Variants in ZNF385B observed in about 807,000 individuals in gnomAD.
ZNF385B encodes zinc finger protein 533.
ZNF385B carries 23 observed loss-of-function variants against 39.2 expected under a neutral mutation model. That is an observed-to-expected ratio of 0.59 (90% confidence interval 0.42 to 0.83). The LOEUF is 0.83. ZNF385B is among the 40% of genes least tolerant of loss of function. ZNF385B has a pLI of 0.00. For missense variants in ZNF385B, 552 were observed against 598.9 expected (o/e 0.92, Z 0.82); for synonymous variants, 205 against 222.6 (o/e 0.92, Z 0.70).
intron 1 of ZNF385B, among the ~76,000 whole-genome samples, chr2:179,805,211 C>T (rs1242437228): frequency 2.0e-5 from 3 of 152,306 alleles, no homozygotes; most frequent in African/African-American, 7.2e-5. Context: ...CCAAGGCGTA[C>T]TGGTTAAACA....
intron 1 of ZNF385B, among the ~76,000 whole-genome samples, chr2:179,809,794 G>GA (rs1209015748): frequency 1.3e-5 from 2 of 151,772 alleles, no homozygotes; most frequent in Non-Finnish European, 2.9e-5. Context: ...GAATTATCGA[G>GA]AAAAAAAATT....
chr2:179,650,470 T>C (rs1466846250), intron 3 of ZNF385B, among the ~76,000 whole-genome samples: 1 of 152,178 alleles, frequency 6.6e-6, no homozygotes, highest in African/African-American at 2.4e-5. Flanking sequence ...TTATTCAAGA[T>C]AAGGGATACT....
intron 3 of ZNF385B, among the ~76,000 whole-genome samples, chr2:179,638,415 G>A (rs1461951714): frequency 6.6e-6 from 1 of 152,172 alleles, no homozygotes; most frequent in Non-Finnish European, 1.5e-5. Context: ...TTTGTTCTTG[G>A]TAGCAGTCCC....
intron 3 of ZNF385B, among the ~76,000 whole-genome samples, chr2:179,749,643 A>G (rs966711448): frequency 1.3e-5 from 2 of 152,108 alleles, no homozygotes; most frequent in African/African-American, 4.8e-5. Context: ...GAACTCACTA[A>G]TTACCACTGG....
At chr2:179,853,257 T>C (rs1199000460) in intron 1 of ZNF385B, among the ~76,000 whole-genome samples, 2 of 152,228 alleles carry the variant, frequency 1.3e-5, no homozygotes, top group East Asian at 3.8e-4. Context: ...GAGTCTGCCC[T>C]AGTTATATAG....
At chr2:179,563,994 G>C (rs1045352244) in intron 3 of ZNF385B, among the ~76,000 whole-genome samples, 1 of 152,068 alleles carries the variant, frequency 6.6e-6, no homozygotes, top group African/African-American at 2.4e-5. Context: ...GTGCATCCTT[G>C]AACTCCCAAG....
At chr2:179,727,834 T>C (rs7559882) in intron 3 of ZNF385B, among the ~76,000 whole-genome samples, 20,886 of 152,106 alleles carry the variant, frequency 0.14, 1,988 homozygotes, top group East Asian at 0.52. Context: ...GGAAATCTTA[T>C]TTGTGAGCAG....
rs1353525169 is a variant in ZNF385B at position 179,745,851 on chromosome 2, CTG to C, written c.298+23650_298+23651del. On this transcript the variant is annotated intron_variant, in intron 3 of 9. Transcript: ENST00000410066. ...GAGACTTGGCTCCAGCCCTGATTAT[CTG>C]TGTGACAGCACCACGTTATATCAGT... The C allele has an allele frequency of 5.9e-6, 8 of 1,351,746 alleles. No homozygotes were observed. The East Asian group carries it at 2.0e-4, about 33-fold the overall frequency. The allele number at this position is 1,351,746 out of a possible 1,614,324, so 83.7% of individuals were successfully genotyped here. A position where few individuals can be genotyped will look rare whatever the true frequency, so the allele number is the denominator to read the frequency against.
At chr2:179,719,994 T>G (rs1161740401) in intron 3 of ZNF385B, among the ~76,000 whole-genome samples, 1 of 152,252 alleles carries the variant, frequency 6.6e-6, no homozygotes, top group African/African-American at 2.4e-5. Context: ...CAGGTCTGTA[T>G]GTTAATTAAC....
chr2:179,787,618 C>T (rs1370984091), intron 1 of ZNF385B, among the ~76,000 whole-genome samples: 1 of 152,096 alleles, frequency 6.6e-6, no homozygotes, highest in Admixed American at 6.6e-5. Context: ...TCTTGTTAGA[C>T]ACTAGTAAAA....
chr2:179,660,105 A>C (rs1694289632), intron 3 of ZNF385B: 1 of 152,620 alleles, frequency 6.6e-6, no homozygotes, highest in Non-Finnish European at 1.5e-5. Flanking sequence ...GCAATAGTTA[A>C]GTCAGCCGGT....
intron 3 of ZNF385B, among the ~76,000 whole-genome samples, chr2:179,569,093 G>T (rs1021231881): frequency 9.2e-5 from 14 of 152,068 alleles, no homozygotes; most frequent in Admixed American, 3.3e-4. Flanking sequence ...GCTATTACCT[G>T]CATTCTCTAG....
chr2:179,451,400 A>G (rs1220299811), intron 6 of ZNF385B, among the ~76,000 whole-genome samples: 2 of 152,044 alleles, frequency 1.3e-5, no homozygotes, highest in African/African-American at 4.8e-5. Context: ...AGCTGGCAAC[A>G]AGTGTAATGG....
chr2:179,526,853 A>G (rs1028491736), intron 4 of ZNF385B, among the ~76,000 whole-genome samples: 1 of 152,174 alleles, frequency 6.6e-6, no homozygotes, highest in Non-Finnish European at 1.5e-5. Flanking sequence ...GTTTGGGGAG[A>G]TGGTTTCTTC....
At chr2:179,798,787 G>A (rs942270655) in intron 1 of ZNF385B, among the ~76,000 whole-genome samples, 9 of 151,906 alleles carry the variant, frequency 5.9e-5, no homozygotes, top group East Asian at 1.9e-4. Flanking sequence ...CTTGTTACAC[G>A]GTTGTTTATT....
intron 3 of ZNF385B, among the ~76,000 whole-genome samples, chr2:179,594,927 A>T (rs2106084407): frequency 6.6e-6 from 1 of 152,042 alleles, no homozygotes; most frequent in East Asian, 1.9e-4. Context: ...CCACCTCAGC[A>T]TTCTGAGTAG....
intron 1 of ZNF385B, among the ~76,000 whole-genome samples, chr2:179,846,362 C>T (rs572040520): frequency 1.3e-5 from 2 of 152,282 alleles, no homozygotes; most frequent in East Asian, 3.9e-4. Context: ...GTTACATTTG[C>T]ATATTTTCAA....
At chr2:179,786,162 T>C (rs1488812416) in intron 1 of ZNF385B, among the ~76,000 whole-genome samples, 1 of 152,114 alleles carries the variant, frequency 6.6e-6, no homozygotes, top group Admixed American at 6.6e-5. Flanking sequence ...AATTAAGGTA[T>C]GTACATTTTT....
At chr2:179,841,885 C>T (rs183013978) in intron 1 of ZNF385B, among the ~76,000 whole-genome samples, 12 of 152,302 alleles carry the variant, frequency 7.9e-5, no homozygotes, top group Non-Finnish European at 1.2e-4. Context: ...TGGCAATGGA[C>T]GCCTGAGAGG....
Sources: allele counts gnomAD v4.1 joint callset (sites outside exome capture counted in the v4.1 genomes callset), GRCh38; gene constraint gnomAD v4.1.1; transcripts MANE v1.5; gene names NCBI Gene and HGNC (gene_info 2026-07-23, HGNC 2026-07-21).